The following ROCK1 variants were observed in gnomAD, a reference collection of about 807,000 sequenced individuals.
ROCK1 encodes the protein Rho associated coiled-coil containing protein kinase 1, also known as rho-associated protein kinase 1.
In ROCK1, 36 loss-of-function variants were observed where a neutral mutation model predicts 196.8. The observed-to-expected ratio is 0.18, with a 90% CI of 0.14 to 0.24. The LOEUF (loss-of-function observed/expected upper bound fraction) is 0.24. Ranked by LOEUF, ROCK1 falls within the 10% of genes least tolerant of loss-of-function variation. The pLI is 1.00. For synonymous variants in ROCK1, 443 were observed against 515.9 expected (o/e 0.86, Z 1.91); for missense variants, 920 against 1,562.0 (o/e 0.59, Z 6.93).
chr18:21,048,983 G>T, intron 4 of ROCK1, 109 bp downstream of exon 4: 1 of 921,044 alleles, frequency 1.1e-6, no homozygotes, highest in African/African-American at 1.7e-5. Context: ...AGACAATTTT[G>T]TAACTGCCAG....
chr18:21,045,869 CTT>C (rs1232482471), intron 4 of ROCK1, among the ~76,000 whole-genome samples: 1 of 97,728 alleles, frequency 1.0e-5, no homozygotes, highest in Non-Finnish European at 2.2e-5. Flanking sequence ...CTCAAGAAGT[CTT>C]TGATAAATTT....
chr18:21,022,095 GGCT>G (rs2035917987), intron 11 of ROCK1, among the ~76,000 whole-genome samples: 1 of 150,548 alleles, frequency 6.6e-6, no homozygotes, highest in South Asian at 2.1e-4. Flanking sequence ...TTTTAAAAAT[GGCT>G]GCTACCTCTT....
intron 10 of ROCK1, among the ~76,000 whole-genome samples, chr18:21,026,445 GAAA>G (rs747563785): frequency 8.5e-5 from 3 of 35,314 alleles, no homozygotes; most frequent in Non-Finnish European, 1.2e-4. Context: ...ACTCTGTCTC[GAAA>G]AAAAAAAAAA....
chr18:21,005,363 C>T (rs1376327909), intron 16 of ROCK1, among the ~76,000 whole-genome samples: 2 of 152,176 alleles, frequency 1.3e-5, no homozygotes, highest in African/African-American at 2.4e-5. Flanking sequence ...TTACTACCAA[C>T]GATGCATGAG....
At chr18:20,972,881 T>C (rs2035442688) in intron 22 of ROCK1, among the ~76,000 whole-genome samples, 1 of 152,192 alleles carries the variant, frequency 6.6e-6, no homozygotes, top group South Asian at 2.1e-4. Context: ...GGCTACCATG[T>C]AGATAATGTA....
chr18:21,001,852 T>G (rs573157224), intron 16 of ROCK1, among the ~76,000 whole-genome samples: 2 of 151,906 alleles, frequency 1.3e-5, no homozygotes, highest in Non-Finnish European at 2.9e-5. Context: ...ATTTTAAAAT[T>G]TGACAGAACA....
At chr18:21,075,701 C>G (rs543301321) in intron 1 of ROCK1, among the ~76,000 whole-genome samples, 2 of 152,158 alleles carry the variant, frequency 1.3e-5, no homozygotes, top group Admixed American at 1.3e-4. Flanking sequence ...CACCTGAAAT[C>G]CCAGTACTTT....
At chr18:20,979,858 TA>T (rs1177914834) in intron 22 of ROCK1, 51 bp downstream of exon 22, 1 of 1,491,208 alleles carries the variant, frequency 6.7e-7, no homozygotes, top group Non-Finnish European at 9.0e-7. Flanking sequence ...ACTTAAAACT[TA>T]AGAATGCCTG....
chr18:20,958,078 C>T lies in ROCK1; in HGVS notation c.3512+1762G>A, dbSNP rs192873687. Among the ~76,000 whole-genome samples, 1,264 of 152,086 alleles carry T rather than the reference C, an allele frequency of 8.3e-3. 3 individuals are homozygous for T. The highest frequency in any genetic ancestry group is 0.014 in the Middle Eastern group (4 of 292). ...TGAACTTTATTGTGGGAAATTATAC[C>T]TTAATAAAGAGAGGAAAGAAATCTC... On this transcript the variant is annotated intron_variant, in intron 29 of 32. Transcript: ENST00000399799.
intron 2 of ROCK1, among the ~76,000 whole-genome samples, chr18:21,050,259 C>G (rs964965102): frequency 6.6e-6 from 1 of 150,842 alleles, no homozygotes. Context: ...TAGATTAATA[C>G]TGGAATAAAT....
At chr18:21,071,531 T>C (rs2036385611) in intron 1 of ROCK1, among the ~76,000 whole-genome samples, 1 of 152,104 alleles carries the variant, frequency 6.6e-6, no homozygotes, top group African/African-American at 2.4e-5. Context: ...TGCATGGCAG[T>C]GTGAAGGTAT....
At chr18:21,097,042 A>G (rs992630065) in intron 1 of ROCK1, among the ~76,000 whole-genome samples, 1 of 152,192 alleles carries the variant, frequency 6.6e-6, no homozygotes, top group Non-Finnish European at 1.5e-5. Flanking sequence ...GGGGAGAGAA[A>G]GGTAGGTCCT....
chr18:21,029,003 T>C (rs2035984474), intron 9 of ROCK1, 68 bp from the exon 10 acceptor site: 2 of 1,432,148 alleles, frequency 1.4e-6, no homozygotes, highest in Non-Finnish European at 1.9e-6. Flanking sequence ...GCACATTCCA[T>C]ACCAACTACT....
Position 21,030,802 on chromosome 18 carries a change from T to TA in ROCK1, c.1052-1868dup, listed in dbSNP as rs34526425. 7.2e-4 allele frequency among the ~76,000 whole-genome samples: 110 copies of TA among 152,152 alleles called. 2 individuals carry two copies. Among genetic ancestry groups the TA allele is most frequent in the Admixed American group, 4.9e-3 (75 of 15,286 alleles). On this transcript the variant is annotated intron_variant, in intron 9 of 32. Coordinates refer to ENST00000399799, the MANE Select transcript of ROCK1 (RefSeq NM_005406.3). The stretch of plus-strand genomic sequence containing the variant: ...CTGTTAATTTAGAAATCATGTTCCA[T>TA]AAAAAAGAGTCCAGCAGATGTTGTC...
intron 29 of ROCK1, 70 bp from the exon 30 acceptor site, chr18:20,955,315 A>T: frequency 3.2e-6 from 4 of 1,257,926 alleles, no homozygotes; most frequent in Non-Finnish European, 4.4e-6. Context: ...ACTAAAGAGG[A>T]CATATGGGTG....
chr18:20,958,937 TA>T (rs1279539324), intron 29 of ROCK1, among the ~76,000 whole-genome samples: 11 of 94,504 alleles, frequency 1.2e-4, no homozygotes, highest in East Asian at 2.8e-4. Flanking sequence ...ATATATTATA[TA>T]AAAAATAATA....
At position 20,960,077 on chromosome 18, in the gene ROCK1, T is replaced by A. The variant is rs1460060672; in HGVS notation, c.3423+59A>T. ...AAAAAAGTAGCTAATATAAGTTCTA[T>A]GCTCCAAAGTAAAATATAGAACAAA... On this transcript the variant is annotated intron_variant, in intron 28 of 32. Coordinates refer to ENST00000399799, the MANE Select transcript of ROCK1 (RefSeq NM_005406.3). 2.4e-6 allele frequency: 3 copies of A among 1,235,862 alleles called. No individual in the cohort carries two copies. In the African/African-American group the frequency reaches 4.5e-5, roughly 18 times the overall value. The allele number at this position is 1,235,862 out of a possible 1,614,324, so 76.6% of individuals were successfully genotyped here. A position where few individuals can be genotyped will look rare whatever the true frequency, so the allele number is the denominator to read the frequency against.
In ROCK1 at chr18:21,042,143, T is replaced by C. The variant is rs1043403032; in HGVS notation, c.913A>G (p.Ile305Val). The change falls in exon 8 of 33, where the codon ATA becomes GTA. Residue 305 changes from isoleucine to valine, a missense_variant. Physicochemically the swap from Ile to Val is conservative, Grantham distance 29. This residue lies in a region of ROCK1 where 234 missense variants were observed against 460.7 expected (regional missense o/e 0.51). Coordinates refer to ENST00000399799, the MANE Select transcript of ROCK1 (RefSeq NM_005406.3). ...ATAAGGTTTTTTGCTTCTTTTGATA[T>C]GTCATTATCATCAGGAAAGGTAAGT... ...NSLTFPDDNDISKEAKNLICA... is the reference protein window; with the variant it reads ...NSLTFPDDNDVSKEAKNLICA... 6.2e-7 allele frequency: 1 copy of C among 1,604,872 alleles called. No individual in the cohort carries two copies. The highest frequency in any genetic ancestry group is 8.5e-7 in the Non-Finnish European group (1 of 1,177,086).
intron 22 of ROCK1, among the ~76,000 whole-genome samples, chr18:20,974,990 C>T (rs1309973307): frequency 1.3e-5 from 2 of 152,208 alleles, no homozygotes; most frequent in Admixed American, 1.3e-4. Context: ...TTAACAAACA[C>T]TTGCTGAGCA....
Sources: gnomAD v4.1 joint callset for allele counts (sites outside exome capture counted in the v4.1 genomes callset) on GRCh38, gnomAD v4.1.1 for gene constraint, gnomAD v4.1.1 regional missense constraint, MANE v1.5 for transcripts, NCBI Gene and HGNC (gene_info 2026-07-23, HGNC 2026-07-21) for gene names.